PIK3AP1: variants seen among roughly 807,000 people sequenced by gnomAD.
PIK3AP1 encodes the protein phosphoinositide 3-kinase adapter protein 1.
Under a neutral mutation model 88.1 loss-of-function variants are expected in PIK3AP1, and 21 were observed. The ratio of observed to expected loss-of-function variants is 0.24; its 90% CI spans 0.17 to 0.34. The LOEUF is 0.34. Ranked by LOEUF, PIK3AP1 falls within the 10% of genes least tolerant of loss-of-function variation. PIK3AP1 has a pLI of 1.00. For synonymous variants in PIK3AP1, 398 were observed against 400.0 expected, an observed-to-expected ratio of 1.00 and a Z score of 0.06; for missense variants, 828 against 1,035.7, an observed-to-expected ratio of 0.80 and a Z score of 2.75.
intron 2 of PIK3AP1, among the ~76,000 whole-genome samples, chr10:96,708,901 C>A (rs1488265989): frequency 6.6e-6 from 1 of 152,122 alleles, no homozygotes; most frequent in African/African-American, 2.4e-5. Flanking sequence ...GAGGCTGAGG[C>A]GGGTGGATCA....
At chr10:96,704,191 T>A (rs1844334040) in intron 2 of PIK3AP1, among the ~76,000 whole-genome samples, 1 of 152,210 alleles carries the variant, frequency 6.6e-6, no homozygotes, top group African/African-American at 2.4e-5. Flanking sequence ...TGAAGTCTGA[T>A]GGCCTAAGCA....
At chr10:96,715,678 C>T (rs1003541969) in intron 1 of PIK3AP1, among the ~76,000 whole-genome samples, 1 of 151,978 alleles carries the variant, frequency 6.6e-6, no homozygotes, top group African/African-American at 2.4e-5. Flanking sequence ...ATCACGAGGT[C>T]AGGAGATCGA....
chr10:96,700,479 C>T (rs1239451298), intron 2 of PIK3AP1, among the ~76,000 whole-genome samples: 2 of 152,228 alleles, frequency 1.3e-5, no homozygotes, highest in African/African-American at 4.8e-5. Flanking sequence ...CCAAGTGACT[C>T]TTGGACAGGC....
intron 4 of PIK3AP1, 118 bp downstream of exon 4, chr10:96,652,580 A>C: frequency 7.3e-7 from 1 of 1,361,920 alleles, no homozygotes. Flanking sequence ...CTCAAAAAAA[A>C]AAAATCAAAG....
At chr10:96,601,603 G>A (rs895620987) in intron 16 of PIK3AP1, among the ~76,000 whole-genome samples, 6 of 151,702 alleles carry the variant, frequency 4.0e-5, no homozygotes, top group Non-Finnish European at 7.4e-5. Context: ...ACCACCATAC[G>A]ATGTAGCCTG....
chr10:96,624,790 G>A (rs553609518), intron 10 of PIK3AP1, among the ~76,000 whole-genome samples: 3 of 152,150 alleles, frequency 2.0e-5, no homozygotes, highest in African/African-American at 4.8e-5. Context: ...GTCATCTCCT[G>A]CCTCTCTCCT....
intron 16 of PIK3AP1, 84 bp from the exon 17 acceptor site, chr10:96,595,718 G>A: frequency 7.4e-7 from 1 of 1,348,724 alleles, no homozygotes; most frequent in Non-Finnish European, 1.0e-6. Context: ...TGCAAACTTG[G>A]TATACTATGC....
intron 2 of PIK3AP1, among the ~76,000 whole-genome samples, chr10:96,661,670 CAGCTACTTGGGAG>C (rs1458061300): frequency 2.6e-5 from 4 of 152,120 alleles, no homozygotes; most frequent in Non-Finnish European, 5.9e-5. Context: ...CCTGCAGTCC[CAGCTACTTGGGAG>C]GCTGAGGTGG....
chr10:96,713,341 C>CAA (rs377478828), intron 1 of PIK3AP1, among the ~76,000 whole-genome samples: 83 of 140,278 alleles, frequency 5.9e-4, no homozygotes, highest in East Asian at 1.6e-3. Flanking sequence ...ATTAAAAATA[C>CAA]AAAAAAAAAA....
At chr10:96,619,451 T>C (rs1265552679) in intron 12 of PIK3AP1, 1 of 152,344 alleles carries the variant, frequency 6.6e-6, no homozygotes, top group Non-Finnish European at 1.5e-5. Context: ...GCCTGGCTAG[T>C]ACTTTGAAGG....
At chr10:96,635,329 A>C (rs1258296710) in intron 8 of PIK3AP1, among the ~76,000 whole-genome samples, 1 of 152,214 alleles carries the variant, frequency 6.6e-6, no homozygotes, top group Non-Finnish European at 1.5e-5. Flanking sequence ...GTTTACACAC[A>C]AACTGGGTAG....
At chr10:96,679,106 G>A (rs1171217397) in intron 2 of PIK3AP1, among the ~76,000 whole-genome samples, 1 of 152,206 alleles carries the variant, frequency 6.6e-6, no homozygotes, top group Non-Finnish European at 1.5e-5. Flanking sequence ...GAATTTGAAA[G>A]AACCTGAAGA....
chr10:96,616,186 C>T (rs1036650744), intron 13 of PIK3AP1, among the ~76,000 whole-genome samples: 1 of 152,194 alleles, frequency 6.6e-6, no homozygotes. Flanking sequence ...CCCTGCTACA[C>T]CTGGGGCATG....
At position 96,714,857 on chromosome 10, in the gene PIK3AP1, T is replaced by C. The variant is rs529375628; in HGVS notation, c.14-4874A>G. Among the ~76,000 whole-genome samples the C allele has an allele frequency of 2.6e-5, 4 of 152,216 alleles. No individual in the cohort carries two copies. The South Asian group carries it at 6.2e-4, about 24-fold the overall frequency. On this transcript the variant is annotated intron_variant, in intron 1 of 16. Transcript: ENST00000339364. ...GTCCATACTGATACAAAATAAATAATTGAATAAATACACTGGGGAAAAAAG... is the reference window on the plus strand; with the variant it reads ...GTCCATACTGATACAAAATAAATAACTGAATAAATACACTGGGGAAAAAAG...
At chr10:96,689,178 G>A (rs144398469) in intron 2 of PIK3AP1, among the ~76,000 whole-genome samples, 14 of 152,170 alleles carry the variant, frequency 9.2e-5, no homozygotes, top group African/African-American at 3.1e-4. Flanking sequence ...AAATGCAAAC[G>A]CATCCTGTGC....
At chr10:96,631,486 G>T (rs1391155022) in intron 8 of PIK3AP1, among the ~76,000 whole-genome samples, 1 of 152,226 alleles carries the variant, frequency 6.6e-6, no homozygotes, top group African/African-American at 2.4e-5. Flanking sequence ...GAGCAGTCCT[G>T]GCTGGGCCTG....
chr10:96,652,605 A>T, intron 4 of PIK3AP1, 93 bp downstream of exon 4: 1 of 1,454,422 alleles, frequency 6.9e-7, no homozygotes, highest in African/African-American at 1.4e-5. Context: ...AAACATATTT[A>T]AGATGATAAT....
At chr10:96,659,600 C>T (rs1262029552) in intron 2 of PIK3AP1, among the ~76,000 whole-genome samples, 1 of 151,540 alleles carries the variant, frequency 6.6e-6, no homozygotes, top group East Asian at 1.9e-4. Context: ...TGGTAGCTCA[C>T]ACCTGTAATC....
At chr10:96,691,189 G>T (rs1844149868) in intron 2 of PIK3AP1, among the ~76,000 whole-genome samples, 1 of 152,130 alleles carries the variant, frequency 6.6e-6, no homozygotes, top group African/African-American at 2.4e-5. Flanking sequence ...GACAGCTGAG[G>T]CTTGTCTGTA....
Sources: allele counts gnomAD v4.1 joint callset (sites outside exome capture counted in the v4.1 genomes callset), GRCh38; gene constraint gnomAD v4.1.1; transcripts MANE v1.5; gene names NCBI Gene and HGNC (gene_info 2026-07-23, HGNC 2026-07-21).